GLIS3: variants seen among roughly 807,000 people sequenced by gnomAD.
GLIS3 encodes the protein zinc finger protein GLIS3.
A neutral mutation model predicts 78.6 loss-of-function variants in GLIS3; 53 were observed. That is an observed-to-expected ratio of 0.67 (90% confidence interval 0.54 to 0.85). The LOEUF (loss-of-function observed/expected upper bound fraction) is 0.85, where lower values mean the gene tolerates loss of function less well. Ranked by LOEUF, GLIS3 falls within the 40% of genes least tolerant of loss-of-function variation. The pLI, the probability that GLIS3 is intolerant of heterozygous loss-of-function variation, is 0.00. For missense variants in GLIS3, 1,703 were observed against 1,231.1 expected, an observed-to-expected ratio of 1.38 and a Z score of -5.74; for synonymous variants, 684 against 509.9, an observed-to-expected ratio of 1.34 and a Z score of -4.60.
At position 4,100,197 on chromosome 9, in the gene GLIS3, C is replaced by CCACT. The variant is rs759610998; in HGVS notation, c.1710+17570_1710+17571insAGTG. Among the ~76,000 whole-genome samples, 463 of 152,244 alleles carry CCACT rather than the reference C, an allele frequency of 3.0e-3. 1 individual carries two copies. Among genetic ancestry groups the CCACT allele is most frequent in the Non-Finnish European group, 5.6e-3 (378 of 68,016 alleles). ...AAACCAGAACAGGTGGTGTAGTATG[C>CCACT]GGGTACTAGGTTTACACTGGGAAGT... On this transcript the variant is annotated intron_variant, in intron 4 of 10. Coordinates refer to ENST00000381971, the MANE Select transcript of GLIS3 (RefSeq NM_001042413.2).
At chr9:3,855,575 G>A (rs1239601811) in intron 9 of GLIS3, 1 of 244,868 alleles carries the variant, frequency 4.1e-6, no homozygotes, top group Non-Finnish European at 8.0e-6. Flanking sequence ...ATCAGGAAGG[G>A]CTTCAGAGAG....
intron 2 of GLIS3, among the ~76,000 whole-genome samples, chr9:4,274,114 G>T (rs770739441): frequency 1.2e-4 from 18 of 152,170 alleles, no homozygotes; most frequent in Non-Finnish European, 2.4e-4. Context: ...TGAGGCAGGA[G>T]GCCTGGTGGC....
chr9:4,319,184 A>T (rs1487236346), intron 2 of GLIS3, among the ~76,000 whole-genome samples: 1 of 152,234 alleles, frequency 6.6e-6, no homozygotes, highest in Non-Finnish European at 1.5e-5. Flanking sequence ...AAAATTGAAT[A>T]TTAATTGTAT....
intron 4 of GLIS3, among the ~76,000 whole-genome samples, chr9:4,095,692 G>T (rs1039661607): frequency 1.3e-5 from 2 of 152,140 alleles, no homozygotes; most frequent in Non-Finnish European, 2.9e-5. Flanking sequence ...TTTGCTTCAT[G>T]TTTAATGATC....
chr9:3,953,760 G>GCTCTCT (rs71507912), intron 4 of GLIS3, among the ~76,000 whole-genome samples: 1,258 of 102,532 alleles, frequency 0.012, 8 homozygotes, highest in Middle Eastern at 0.043. Context: ...AATTAGATTT[G>GCTCTCT]CTCTCTCTCT....
At chr9:4,175,484 ATAACTT>A (rs57958457) in intron 2 of GLIS3, among the ~76,000 whole-genome samples, 23,011 of 152,050 alleles carry the variant, frequency 0.15, 1,826 homozygotes, top group African/African-American at 0.21. Context: ...CTGAACACAA[ATAACTT>A]TAACTTTTAT....
intron 2 of GLIS3, among the ~76,000 whole-genome samples, chr9:4,187,931 G>A (rs1817962639): frequency 6.6e-6 from 1 of 152,172 alleles, no homozygotes; most frequent in South Asian, 2.1e-4. Flanking sequence ...ATACAATCAT[G>A]TCATCTGCAA....
chr9:4,437,416 GTATGTATC>G, the GLIS3 span, among the ~76,000 whole-genome samples: 12 of 107,050 alleles, frequency 1.1e-4, no homozygotes, highest in African/African-American at 3.4e-4. Context: ...ATGTATGTAT[GTATGTATC>G]TATCTATCTA....
At chr9:4,424,397 T>C in the GLIS3 span, among the ~76,000 whole-genome samples, 1 of 152,200 alleles carries the variant, frequency 6.6e-6, no homozygotes, top group Non-Finnish European at 1.5e-5. Context: ...GCCTCTTTAA[T>C]TAGAATAGGC....
chr9:4,340,051 T>C (rs1458953708), intron 2 of GLIS3, among the ~76,000 whole-genome samples: 1 of 151,736 alleles, frequency 6.6e-6, no homozygotes, highest in Non-Finnish European at 1.5e-5. Flanking sequence ...GCTTTGCTTC[T>C]TGCTCATCAG....
intron 2 of GLIS3, among the ~76,000 whole-genome samples, chr9:4,244,899 T>C (rs1045292921): frequency 3.3e-5 from 5 of 152,166 alleles, no homozygotes; most frequent in African/African-American, 9.7e-5. Flanking sequence ...AAATCTAAAA[T>C]GATTCTACAC....
intron 4 of GLIS3, among the ~76,000 whole-genome samples, chr9:3,956,286 A>G (rs1190688325): frequency 6.6e-6 from 1 of 152,222 alleles, no homozygotes; most frequent in Non-Finnish European, 1.5e-5. Context: ...AGAGAAAAAT[A>G]AGCTAGGGGA....
At chr9:4,194,128 G>A (rs928038937) in intron 2 of GLIS3, among the ~76,000 whole-genome samples, 3 of 152,124 alleles carry the variant, frequency 2.0e-5, no homozygotes, top group African/African-American at 7.2e-5. Context: ...TGCGATCTCG[G>A]CTCTCTGCAA....
intron 2 of GLIS3, among the ~76,000 whole-genome samples, chr9:4,182,150 G>C (rs781725587): frequency 1.5e-4 from 23 of 151,960 alleles, no homozygotes; most frequent in Non-Finnish European, 2.2e-4. Flanking sequence ...TTTTCCTTTG[G>C]GGTTTGTTAA....
chr9:4,462,574 T>G, the GLIS3 span, among the ~76,000 whole-genome samples: 1 of 149,342 alleles, frequency 6.7e-6, no homozygotes, highest in African/African-American at 2.5e-5. Context: ...CTGGGCAACA[T>G]AGCGAGATTC....
chr9:3,867,660 C>T (rs1820674324), intron 8 of GLIS3, among the ~76,000 whole-genome samples: 1 of 152,184 alleles, frequency 6.6e-6, no homozygotes, highest in South Asian at 2.1e-4. Flanking sequence ...TTTTCTGCCT[C>T]TGTACTGCTC....
intron 2 of GLIS3, among the ~76,000 whole-genome samples, chr9:4,145,453 A>G (rs1474513327): frequency 8.7e-5 from 7 of 80,586 alleles, no homozygotes; most frequent in Non-Finnish European, 2.0e-4. Context: ...GCTGTGATAC[A>G]TATAGTACAA....
chr9:4,249,014 C>G (rs1377404524), intron 2 of GLIS3, among the ~76,000 whole-genome samples: 2 of 152,146 alleles, frequency 1.3e-5, no homozygotes, highest in Non-Finnish European at 2.9e-5. Context: ...AAGTACCATG[C>G]TGTTTTGGTT....
chr9:3,904,062 T>C lies in GLIS3; in HGVS notation c.1984-5227A>G, dbSNP rs147397449. Among the ~76,000 whole-genome samples the C allele has an allele frequency of 2.0e-3, 300 of 152,304 alleles. 1 individual carries two copies. Among genetic ancestry groups the C allele is most frequent in the African/African-American group, 6.9e-3 (288 of 41,566 alleles). ...TCCACCATAAATATCCACAGTCTCATAGGCACTTTGTCTCCCCTTCTTTGA... is the reference window on the plus strand; with the variant it reads ...TCCACCATAAATATCCACAGTCTCACAGGCACTTTGTCTCCCCTTCTTTGA... On this transcript the variant is annotated intron_variant, in intron 6 of 10. Coordinates refer to ENST00000381971, the MANE Select transcript of GLIS3 (RefSeq NM_001042413.2).
Sources: gnomAD v4.1 joint callset for allele counts (sites outside exome capture counted in the v4.1 genomes callset) on GRCh38, gnomAD v4.1.1 for gene constraint, MANE v1.5 for transcripts, NCBI Gene and HGNC (gene_info 2026-07-23, HGNC 2026-07-21) for gene names.